The following CNTNAP2 variants were observed in gnomAD, a reference collection of about 807,000 sequenced individuals.
CNTNAP2 encodes the protein contactin-associated protein-like 2.
CNTNAP2 carries 98 observed loss-of-function variants against 155.2 expected under a neutral mutation model. The observed-to-expected ratio is 0.63, with a 90% CI of 0.54 to 0.75. The LOEUF is 0.75. Ranked by LOEUF, CNTNAP2 falls within the 30% of genes least tolerant of loss-of-function variation. The probability of loss-of-function intolerance (pLI) is 0.00; values close to 1 mark genes in which losing one functional copy is unlikely to be tolerated. For synonymous variants in CNTNAP2, 651 were observed against 631.2 expected (o/e 1.03, Z -0.47); for missense variants, 1,727 against 1,688.1 (o/e 1.02, Z -0.40).
chr7:147,307,094 A>G (rs1795043384), intron 9 of CNTNAP2, among the ~76,000 whole-genome samples: 1 of 152,216 alleles, frequency 6.6e-6, no homozygotes. Context: ...AGTGAAGCAT[A>G]AGCTTAAAAC....
At chr7:147,136,202 TTC>T (rs1420180320) in intron 8 of CNTNAP2, among the ~76,000 whole-genome samples, 1 of 151,912 alleles carries the variant, frequency 6.6e-6, no homozygotes, top group East Asian at 1.9e-4. Context: ...TATCTTAATA[TTC>T]TCTCTCAGTT....
intron 8 of CNTNAP2, among the ~76,000 whole-genome samples, chr7:147,204,152 A>C (rs1802974197): frequency 6.6e-6 from 1 of 151,982 alleles, no homozygotes; most frequent in African/African-American, 2.4e-5. Flanking sequence ...ATAGGATGAT[A>C]TAGATTATTC....
intron 16 of CNTNAP2, 100 bp downstream of exon 16, chr7:148,118,388 G>A: frequency 7.6e-7 from 1 of 1,319,228 alleles, no homozygotes; most frequent in East Asian, 2.5e-5. Context: ...AAACGTGGAA[G>A]GTTTCCTTTG....
At chr7:147,025,554 A>G (rs1357433637) in intron 3 of CNTNAP2, among the ~76,000 whole-genome samples, 2 of 150,294 alleles carry the variant, frequency 1.3e-5, no homozygotes, top group African/African-American at 2.5e-5. Flanking sequence ...GAAACCTCCC[A>G]TATCATCCAA....
intron 1 of CNTNAP2, among the ~76,000 whole-genome samples, chr7:146,546,465 C>T (rs1798031190): frequency 6.6e-6 from 1 of 151,858 alleles, no homozygotes. Context: ...ACCTGAAGCT[C>T]AGGTCTCCAA....
chr7:147,478,353 A>G (rs1026139524), intron 10 of CNTNAP2, among the ~76,000 whole-genome samples: 4 of 152,078 alleles, frequency 2.6e-5, no homozygotes, highest in African/African-American at 9.7e-5. Flanking sequence ...AGGTTTCACC[A>G]TGTTGGTCAG....
At chr7:147,664,132 A>G (rs1795659071) in intron 13 of CNTNAP2, among the ~76,000 whole-genome samples, 1 of 152,366 alleles carries the variant, frequency 6.6e-6, no homozygotes, top group East Asian at 1.9e-4. Context: ...TGGCTTAAAC[A>G]GCAGATACTG....
chr7:146,544,527 C>T (rs1201064985), intron 1 of CNTNAP2, among the ~76,000 whole-genome samples: 1 of 151,846 alleles, frequency 6.6e-6, no homozygotes, highest in Non-Finnish European at 1.5e-5. Context: ...CTTTTCTTCT[C>T]TTTTTTCCCC....
chr7:146,957,787 G>T (rs1797466756), intron 3 of CNTNAP2, among the ~76,000 whole-genome samples: 1 of 152,012 alleles, frequency 6.6e-6, no homozygotes, highest in African/African-American at 2.4e-5. Context: ...TGTACCCACA[G>T]AAATGAAAAA....
intron 21 of CNTNAP2, among the ~76,000 whole-genome samples, chr7:148,350,701 C>T (rs1485659295): frequency 6.6e-6 from 1 of 152,168 alleles, no homozygotes; most frequent in Admixed American, 6.5e-5. Context: ...TTCTTGTAAG[C>T]GTTCTTGTTG....
chr7:147,500,692 C>T (rs960520321), intron 11 of CNTNAP2, among the ~76,000 whole-genome samples: 10 of 152,258 alleles, frequency 6.6e-5, no homozygotes, highest in South Asian at 2.1e-4. Flanking sequence ...TCATCAGACT[C>T]GGAACATACA....
At chr7:148,187,834 C>T (rs566770526) in intron 18 of CNTNAP2, among the ~76,000 whole-genome samples, 16 of 152,238 alleles carry the variant, frequency 1.1e-4, no homozygotes, top group African/African-American at 3.9e-4. Flanking sequence ...AAGGAATTCA[C>T]AAATCAGAAC....
chr7:146,861,624 T>A (rs1795103032), intron 3 of CNTNAP2, among the ~76,000 whole-genome samples: 2 of 152,128 alleles, frequency 1.3e-5, no homozygotes, highest in South Asian at 4.1e-4. Flanking sequence ...AAAATTCCCC[T>A]CCTAATTTAA....
At chr7:148,308,551 GTATTTATTTATT>G (rs72136288) in intron 21 of CNTNAP2, among the ~76,000 whole-genome samples, 63,705 of 148,230 alleles carry the variant, frequency 0.43, 13,738 homozygotes, top group East Asian at 0.48. Flanking sequence ...ACCTATTTAT[GTATTTATTTATT>G]TATTTATTTA....
chr7:147,191,769 C>G (rs1802684313), intron 8 of CNTNAP2, among the ~76,000 whole-genome samples: 1 of 152,086 alleles, frequency 6.6e-6, no homozygotes. Context: ...AGTCTCCAAA[C>G]CCTTCACGAA....
chr7:146,581,822 G>A (rs918167801), intron 1 of CNTNAP2, among the ~76,000 whole-genome samples: 1 of 152,072 alleles, frequency 6.6e-6, no homozygotes, highest in Non-Finnish European at 1.5e-5. Flanking sequence ...CAAGTTGATT[G>A]CCAAATAATA....
intron 13 of CNTNAP2, among the ~76,000 whole-genome samples, chr7:147,699,437 C>G (rs1292332464): frequency 6.6e-6 from 1 of 151,848 alleles, no homozygotes; most frequent in African/African-American, 2.4e-5. Flanking sequence ...ACATTACACA[C>G]CGGGGCCTGT....
intron 1 of CNTNAP2, among the ~76,000 whole-genome samples, chr7:146,738,273 A>ATT (rs149699996): frequency 6.6e-6 from 1 of 151,228 alleles, no homozygotes; most frequent in African/African-American, 2.4e-5. Flanking sequence ...GATGTTCAAC[A>ATT]TTTTTTTTCA....
At chr7:147,318,956 A>G (rs1795290625) in intron 9 of CNTNAP2, among the ~76,000 whole-genome samples, 1 of 152,174 alleles carries the variant, frequency 6.6e-6, no homozygotes, top group Admixed American at 6.5e-5. Context: ...GAAACAAACT[A>G]GATAAGATAA....
Sources: gnomAD v4.1 joint callset for allele counts (sites outside exome capture counted in the v4.1 genomes callset) on GRCh38, gnomAD v4.1.1 for gene constraint, MANE v1.5 for transcripts, NCBI Gene and HGNC (gene_info 2026-07-23, HGNC 2026-07-21) for gene names.